The following CDR2L variants were observed in gnomAD, a reference collection of about 807,000 sequenced individuals.
The protein encoded by CDR2L is cerebellar degeneration-related protein 2-like.
In CDR2L, 19 loss-of-function variants were observed where a neutral mutation model predicts 36.1. That is an observed-to-expected ratio of 0.53 (90% CI 0.37 to 0.77). The LOEUF is 0.77. Among genes scored for constraint, CDR2L ranks in the 30% least tolerant of loss-of-function variants. The pLI, the probability that CDR2L is intolerant of heterozygous loss-of-function variation, is 0.00. For missense variants in CDR2L, 575 were observed against 627.2 expected, an observed-to-expected ratio of 0.92 and a Z score of 0.89; for synonymous variants, 285 against 280.4, an observed-to-expected ratio of 1.02 and a Z score of -0.16.
rs1462250632 is a variant in CDR2L, at chr17:75,001,325, G to A, written c.193-16G>A. ...GCCCAATTCTAAAAAGTTACTCAAT[G>A]TCCTTCCACCCCCAGTACCTAACCA... On this transcript the variant is annotated splice_polypyrimidine_tract_variant and intron_variant, in intron 2 of 4. Coordinates refer to ENST00000337231, the MANE Select transcript of CDR2L (RefSeq NM_014603.3). 3.1e-6 allele frequency: 5 copies of A among 1,587,386 alleles called. No homozygotes were observed. The highest frequency in any genetic ancestry group is 4.3e-6 in the Non-Finnish European group (5 of 1,168,266).
chr17:74,999,445 C>A, intron 1 of CDR2L, 59 bp from the exon 2 acceptor site: 1 of 1,203,778 alleles, frequency 8.3e-7, no homozygotes, highest in Non-Finnish European at 1.2e-6. Flanking sequence ...AGTAGATGCT[C>A]GGAACATGAA....
intron 1 of CDR2L, among the ~76,000 whole-genome samples, chr17:74,997,071 TCTTTC>T (rs1334715843): frequency 0.039 from 2,247 of 57,438 alleles, 194 homozygotes; most frequent in African/African-American, 0.043. Flanking sequence ...TTTCTTTCTT[TCTTTC>T]TTTCTTTCTT....
intron 1 of CDR2L, among the ~76,000 whole-genome samples, chr17:74,997,787 G>C (rs1468913404): frequency 1.3e-5 from 2 of 151,912 alleles, no homozygotes; most frequent in Non-Finnish European, 2.9e-5. Flanking sequence ...AGCATTTTGG[G>C]AGGCCTGAGA....
chr17:75,004,161 C>T lies in CDR2L; in HGVS notation c.*87C>T, dbSNP rs934039497. 3.3e-5 allele frequency: 39 copies of T among 1,184,926 alleles called. No individual in the cohort carries two copies. In the Admixed American group the frequency reaches 1.0e-3, roughly 30 times the overall value. The allele number at this position is 1,184,926 out of a possible 1,614,324, so 73.4% of individuals were successfully genotyped here. On this transcript the variant is annotated 3_prime_UTR_variant, in exon 5 of 5. Transcript: ENST00000337231. ...GTGCAGCTTCCAGAGAGCGAGCGCC[C>T]TTTAGCGGCCTGCCACCACAGCACG...
At chr17:74,995,682 T>C (rs2039820627) in intron 1 of CDR2L, among the ~76,000 whole-genome samples, 2 of 152,066 alleles carry the variant, frequency 1.3e-5, no homozygotes, top group Admixed American at 1.3e-4. Flanking sequence ...TTTTTGTTTT[T>C]AGTAGAGACA....
At chr17:74,997,842 T>C (rs1567974544) in intron 1 of CDR2L, among the ~76,000 whole-genome samples, 1 of 149,868 alleles carries the variant, frequency 6.7e-6, no homozygotes, top group Non-Finnish European at 1.5e-5. Context: ...AGACCCCCTC[T>C]CTACTAAAAA....
intron 3 of CDR2L, 54 bp downstream of exon 3, chr17:75,001,543 G>A (rs572905728): frequency 4.0e-5 from 57 of 1,428,236 alleles, no homozygotes; most frequent in Non-Finnish European, 5.1e-5. Flanking sequence ...CCAGGGCTGA[G>A]TGTACACAGG....
intron 1 of CDR2L, among the ~76,000 whole-genome samples, chr17:74,990,994 G>A (rs544174254): frequency 6.1e-4 from 93 of 152,348 alleles, no homozygotes; most frequent in Non-Finnish European, 1.1e-3. Flanking sequence ...AAGCTTGACT[G>A]TAGAGATCCT....
chr17:75,001,473 C>T lies in CDR2L; in HGVS notation c.325C>T (p.Gln109Ter). 1 of 1,575,468 alleles carries T rather than the reference C, an allele frequency of 6.3e-7. No homozygotes were observed. Among genetic ancestry groups the T allele is most frequent in the Non-Finnish European group, 8.6e-7 (1 of 1,163,060 alleles). ...HRLVLESKAAQQKIHGLTETI... is the reference protein window; with the variant it reads ...HRLVLESKAA ...GCTGGTGCTGGAGAGTAAGGCTGCC[C>T]AGCAGAAGATCCATGGGTGAGGGCC... is the stretch of plus-strand genomic sequence containing the variant. The change falls in exon 3 of 5, where the codon CAG becomes TAG. Residue 109 changes from glutamine to a stop codon, truncating the protein, a stop_gained. Transcript: ENST00000337231. LOFTEE classifies it high-confidence loss of function.
At chr17:75,001,638 G>A in intron 3 of CDR2L, 149 bp downstream of exon 3, 1 of 772,386 alleles carries the variant, frequency 1.3e-6, no homozygotes, top group Non-Finnish European at 1.9e-6. Flanking sequence ...GATTTTGTGT[G>A]GTTTAACATT....
Position 75,003,809 on chromosome 17 carries a change from G to A in CDR2L, c.1133G>A (p.Gly378Glu), listed in dbSNP as rs899860532. The A allele has an allele frequency of 6.5e-7, 1 of 1,547,898 alleles. No homozygotes were observed. The highest frequency in any genetic ancestry group is 1.4e-5 in the African/African-American group (1 of 73,134). ...CTGCTGAGCAAGTGCCGGCAGCACGGGGCCGGAGTGCGGCACGCCGGCGTG... is the reference window on the plus strand; with the variant it reads ...CTGCTGAGCAAGTGCCGGCAGCACGAGGCCGGAGTGCGGCACGCCGGCGTG... ...EELLSKCRQHGAGVRHAGVQT... is the reference protein window; with the variant it reads ...EELLSKCRQHEAGVRHAGVQT... The change falls in exon 5 of 5, where the codon GGG (glycine) becomes GAG (glutamate). Residue 378 changes from glycine (G) to glutamate (E), a missense_variant. Transcript: ENST00000337231.
chr17:74,992,463 G>T (rs1458991184), intron 1 of CDR2L, among the ~76,000 whole-genome samples: 1 of 151,678 alleles, frequency 6.6e-6, no homozygotes, highest in Non-Finnish European at 1.5e-5. Context: ...GTGACAGGTT[G>T]TTACTCCACT....
chr17:75,004,231 G>C lies in CDR2L; in HGVS notation c.*157G>C. The stretch of plus-strand genomic sequence containing the variant: ...CACGCAGCATGTTCCCTGCTGAGCG[G>C]AGGCAGCCCACCTGTCCTGCCTCCC... On this transcript the variant is annotated 3_prime_UTR_variant, in exon 5 of 5. Coordinates refer to ENST00000337231, the MANE Select transcript of CDR2L (RefSeq NM_014603.3). 1.5e-6 allele frequency: 1 copy of C among 657,360 alleles called. No homozygotes were observed. Among genetic ancestry groups the C allele is most frequent in the Non-Finnish European group, 2.5e-6 (1 of 393,368 alleles). The allele number at this position is 657,360 out of a possible 1,614,324, so 40.7% of individuals were successfully genotyped here.
intron 1 of CDR2L, among the ~76,000 whole-genome samples, chr17:74,997,422 C>T (rs567026691): frequency 2.0e-5 from 3 of 152,248 alleles, no homozygotes; most frequent in Non-Finnish European, 4.4e-5. Context: ...GTCCATTTGC[C>T]TGAGCCTCCC....
intron 1 of CDR2L, among the ~76,000 whole-genome samples, chr17:74,991,095 G>A (rs914757518): frequency 4.6e-5 from 7 of 152,144 alleles, no homozygotes; most frequent in African/African-American, 1.4e-4. Context: ...CCACTGCCAC[G>A]AGCATTTATA....
intron 1 of CDR2L, among the ~76,000 whole-genome samples, chr17:74,993,625 T>A (rs930207540): frequency 3.3e-5 from 5 of 152,216 alleles, no homozygotes; most frequent in Admixed American, 1.3e-4. Flanking sequence ...TTTCTTGGCA[T>A]CCTCATCAGA....
Position 75,004,084 on chromosome 17 carries a change from G to A in CDR2L, c.*10G>A. 3.1e-6 allele frequency: 5 copies of A among 1,592,104 alleles called. No homozygotes were observed. The highest frequency in any genetic ancestry group is 4.3e-6 in the Non-Finnish European group (5 of 1,168,384). ...GCACAGCAGCAAGTGACCCTTCTCC[G>A]GCCTGCAGCCTCCCCCAGGGTGGAA... On this transcript the variant is annotated 3_prime_UTR_variant, in exon 5 of 5. Coordinates refer to ENST00000337231, the MANE Select transcript of CDR2L (RefSeq NM_014603.3).
chr17:74,992,827 A>G (rs1598652296), intron 1 of CDR2L, among the ~76,000 whole-genome samples: 1 of 151,680 alleles, frequency 6.6e-6, no homozygotes, highest in African/African-American at 2.4e-5. Flanking sequence ...AGGGTGGTAT[A>G]CCACCCTGGC....
chr17:75,003,381 C>G lies in CDR2L; in HGVS notation c.705C>G (p.Cys235Trp). The G allele has an allele frequency of 6.4e-7, 1 of 1,561,618 alleles. No individual in the cohort carries two copies. Among genetic ancestry groups the G allele is most frequent in the Non-Finnish European group, 8.7e-7 (1 of 1,153,822 alleles). ...QEYSELERQL[C>W]EMEACRLRVQ... is the part of the protein sequence containing the mutation. ...ACTCGGAGCTGGAGCGCCAGCTGTG[C>G]GAGATGGAGGCCTGTCGCCTGCGTG... Residue 235 changes from cysteine (C) to tryptophan (W), a missense_variant, in exon 5 of 5, where the codon TGC becomes TGG. Physicochemically the swap from Cys to Trp is radical, Grantham distance 215. Coordinates refer to ENST00000337231, the MANE Select transcript of CDR2L (RefSeq NM_014603.3).
Sources: allele counts gnomAD v4.1 joint callset (sites outside exome capture counted in the v4.1 genomes callset), GRCh38; gene constraint gnomAD v4.1.1; transcripts MANE v1.5; gene names NCBI Gene and HGNC (gene_info 2026-07-23, HGNC 2026-07-21).